The following CEP85L variants were observed in gnomAD, a reference collection of about 807,000 sequenced individuals.
CEP85L encodes centrosomal protein of 85 kDa-like.
Under a neutral mutation model 100.3 loss-of-function variants are expected in CEP85L, and 60 were observed. That is an observed-to-expected ratio of 0.60 (90% confidence interval 0.49 to 0.74). CEP85L has a LOEUF of 0.74. Ranked by LOEUF, CEP85L falls within the 30% of genes least tolerant of loss-of-function variation. The probability of loss-of-function intolerance (pLI) is 0.00; values close to 1 mark genes in which losing one functional copy is unlikely to be tolerated. For missense variants in CEP85L, 973 were observed against 936.2 expected, an observed-to-expected ratio of 1.04 and a Z score of -0.51; for synonymous variants, 319 against 322.7, an observed-to-expected ratio of 0.99 and a Z score of 0.12.
intron 2 of CEP85L, among the ~76,000 whole-genome samples, chr6:118,622,712 C>G (rs1221544735): frequency 1.3e-5 from 2 of 152,222 alleles, no homozygotes; most frequent in African/African-American, 4.8e-5. Flanking sequence ...TTTATAACCT[C>G]TCAGGGGACA....
chr6:118,579,017 C>A (rs180960425), intron 2 of CEP85L, among the ~76,000 whole-genome samples: 2 of 152,170 alleles, frequency 1.3e-5, no homozygotes, highest in East Asian at 3.9e-4. Flanking sequence ...CATCTCAGCC[C>A]CCCAAGTAGC....
upstream of CEP85L, chr6:118,651,732 C>A: frequency 2.0e-6 from 2 of 986,800 alleles, no homozygotes; most frequent in Non-Finnish European, 2.4e-6. Context: ...GGTGAGCTAC[C>A]CCGACCCCGC....
chr6:118,604,463 A>G (rs1031737474), intron 2 of CEP85L, among the ~76,000 whole-genome samples: 1 of 152,240 alleles, frequency 6.6e-6, no homozygotes, highest in African/African-American at 2.4e-5. Flanking sequence ...CTCTTTAGGC[A>G]AAAAAATCCA....
At chr6:118,629,526 C>T (rs977478110) in intron 2 of CEP85L, among the ~76,000 whole-genome samples, 1 of 152,162 alleles carries the variant, frequency 6.6e-6, no homozygotes, top group Non-Finnish European at 1.5e-5. Context: ...ACTGACAACA[C>T]CAAATGCTAA....
At chr6:118,707,307 C>T (rs1777623608) in intron 1 of CEP85L, among the ~76,000 whole-genome samples, 1 of 151,998 alleles carries the variant, frequency 6.6e-6, no homozygotes, top group Admixed American at 6.6e-5. Flanking sequence ...CCTCTCACCA[C>T]CTCAGCCTCC....
intron 3 of CEP85L, among the ~76,000 whole-genome samples, chr6:118,564,425 T>C (rs1460756971): frequency 6.6e-6 from 1 of 152,228 alleles, no homozygotes; most frequent in Non-Finnish European, 1.5e-5. Context: ...ATCACTTGAA[T>C]GGATAAATCA....
At chr6:118,666,727 A>AAATAAGGGC (rs1477472803) in intron 1 of CEP85L, among the ~76,000 whole-genome samples, 1 of 152,036 alleles carries the variant, frequency 6.6e-6, no homozygotes, top group Non-Finnish European at 1.5e-5. Context: ...CAGTGGCTGA[A>AAATAAGGGC]AATAAGGGCA....
chr6:118,584,711 T>A (rs1056920355), intron 2 of CEP85L, among the ~76,000 whole-genome samples: 1 of 152,126 alleles, frequency 6.6e-6, no homozygotes, highest in African/African-American at 2.4e-5. Context: ...CCAGCATGCC[T>A]CCCCGCCATT....
At chr6:118,628,396 T>TA (rs1396261046) in intron 2 of CEP85L, among the ~76,000 whole-genome samples, 1 of 152,016 alleles carries the variant, frequency 6.6e-6, no homozygotes, top group African/African-American at 2.4e-5. Context: ...AAAAATACTC[T>TA]AATAGAAATG....
chr6:118,565,574 C>T lies in CEP85L; in HGVS notation c.975G>A (p.Gln325=). 1 of 1,614,200 alleles carries T rather than the reference C, an allele frequency of 6.2e-7. No homozygotes were observed. Among genetic ancestry groups the T allele is most frequent in the Non-Finnish European group, 8.5e-7 (1 of 1,180,028 alleles). Reference sequence around the variant, plus strand: ...CTTGTCGAAAGTCTTCAATTTGCTGCTGTTGCCAAGGAGCTAAACTGTAAG... The same window carrying T: ...CTTGTCGAAAGTCTTCAATTTGCTGTTGTTGCCAAGGAGCTAAACTGTAAG... ...EDSYSLAPWQ[Q]QQIEDFRQGS... Residue 325 remains glutamine (Q), a synonymous_variant, in exon 3 of 13, where the codon CAG becomes CAA. Coordinates refer to ENST00000368491, the MANE Select transcript of CEP85L (RefSeq NM_001042475.3).
rs751002966 is a variant in CEP85L, at chr6:118,566,301, C to A, written c.248G>T (p.Ser83Ile). Residue 83 changes from serine to isoleucine, a missense_variant, in exon 3 of 13, where the codon AGT (serine) becomes ATT (isoleucine). Physicochemically the swap from Ser to Ile is moderately radical, Grantham distance 142 (BLOSUM62 -2). Around this residue, in one of 3 missense-constraint regions of CEP85L, gnomAD observed 890 missense variants for 844.5 expected, o/e 1.05. Coordinates refer to ENST00000368491, the MANE Select transcript of CEP85L (RefSeq NM_001042475.3). Reference protein sequence around the residue: ...SDSVEDHSTSSGTLSFKPSQS... With the variant: ...SDSVEDHSTSIGTLSFKPSQS... The stretch of plus-strand genomic sequence containing the variant: ...ACTAGGCTTAAAAGATAATGTGCCA[C>A]TTGAAGTTGAATGATCTGGAAAGAA... 68 of 1,612,026 alleles carry A rather than the reference C, an allele frequency of 4.2e-5. No individual in the cohort carries two copies. Among genetic ancestry groups the A allele is most frequent in the Non-Finnish European group, 5.3e-5 (63 of 1,179,310 alleles).
intron 2 of CEP85L, among the ~76,000 whole-genome samples, chr6:118,583,526 T>C (rs1486823479): frequency 2.0e-5 from 3 of 152,194 alleles, no homozygotes; most frequent in Non-Finnish European, 2.9e-5. Flanking sequence ...GCAGCATCTT[T>C]ACAGCCCCAG....
chr6:118,504,760 G>A (rs972846399), intron 5 of CEP85L, among the ~76,000 whole-genome samples: 15 of 152,180 alleles, frequency 9.9e-5, no homozygotes, highest in African/African-American at 3.6e-4. Flanking sequence ...GTGGTAGTGA[G>A]TCCTCAGTCT....
chr6:118,565,907 C>T lies in CEP85L; in HGVS notation c.642G>A (p.Glu214=), dbSNP rs752730535. Residue 214 remains glutamate, a synonymous_variant, in exon 3 of 13, where the codon GAG becomes GAA. Coordinates refer to ENST00000368491, the MANE Select transcript of CEP85L (RefSeq NM_001042475.3). ...LHDSMEMLRL[E]DKEINKKRSS... ...ACCGTTTTTTATTTATTTCCTTGTC[C>T]TCTAACCTAAGCATCTCCATACTAT... 15 of 1,614,090 alleles carry T rather than the reference C, an allele frequency of 9.3e-6. No individual in the cohort carries two copies. In the South Asian group the frequency reaches 1.4e-4, roughly 15 times the overall value.
intron 2 of CEP85L, among the ~76,000 whole-genome samples, chr6:118,602,995 T>A (rs1218769866): frequency 6.6e-6 from 1 of 152,156 alleles, no homozygotes; most frequent in Non-Finnish European, 1.5e-5. Context: ...TAATTTTTTG[T>A]ATTTTTAGTA....
upstream of CEP85L, among the ~76,000 whole-genome samples, chr6:118,655,327 G>A (rs1162171089): frequency 2.6e-5 from 4 of 152,220 alleles, no homozygotes; most frequent in Non-Finnish European, 5.9e-5. Flanking sequence ...CAGTCCTTGG[G>A]ATAGGAAGTG....
At chr6:118,614,942 A>C (rs914060038) in intron 2 of CEP85L, among the ~76,000 whole-genome samples, 5 of 152,232 alleles carry the variant, frequency 3.3e-5, no homozygotes, top group Admixed American at 3.3e-4. Context: ...CTATATTATA[A>C]ATGTATTTCT....
At chr6:118,575,845 G>A (rs571554522) in intron 2 of CEP85L, among the ~76,000 whole-genome samples, 28 of 151,948 alleles carry the variant, frequency 1.8e-4, no homozygotes, top group African/African-American at 5.1e-4. Flanking sequence ...AAAACCTCCC[G>A]GGGGAAGAAA....
At chr6:118,541,084 A>C (rs1169383313) in intron 3 of CEP85L, among the ~76,000 whole-genome samples, 1 of 152,224 alleles carries the variant, frequency 6.6e-6, no homozygotes, top group Non-Finnish European at 1.5e-5. Context: ...TACTGGAGTC[A>C]ACAATCAACT....
Sources: allele counts gnomAD v4.1 joint callset (sites outside exome capture counted in the v4.1 genomes callset), GRCh38; gene constraint gnomAD v4.1.1; regional missense constraint gnomAD v4.1.1; transcripts MANE v1.5; gene names NCBI Gene and HGNC (gene_info 2026-07-23, HGNC 2026-07-21).